VWA3B: variants seen among roughly 807,000 people sequenced by gnomAD.
VWA3B encodes von Willebrand factor A domain-containing protein 3B.
A neutral mutation model predicts 158.3 loss-of-function variants in VWA3B; 138 were observed. The observed-to-expected ratio is 0.87, with a 90% CI of 0.76 to 1.00. The LOEUF (loss-of-function observed/expected upper bound fraction) is 1.00. Ranked by LOEUF, VWA3B falls within the 50% of genes least tolerant of loss-of-function variation. VWA3B has a pLI of 0.00. For synonymous variants in VWA3B, 596 were observed against 587.3 expected, an observed-to-expected ratio of 1.01 and a Z score of -0.21; for missense variants, 1,555 against 1,565.1, an observed-to-expected ratio of 0.99 and a Z score of 0.11.
chr2:98,164,299 T>C (rs551444269), intron 8 of VWA3B, among the ~76,000 whole-genome samples: 1 of 152,344 alleles, frequency 6.6e-6, no homozygotes, highest in Admixed American at 6.5e-5. Context: ...TAAAATCCAG[T>C]TGCATTTCTG....
intron 16 of VWA3B, among the ~76,000 whole-genome samples, chr2:98,232,362 T>C (rs926923120): frequency 3.3e-5 from 5 of 152,226 alleles, no homozygotes; most frequent in Admixed American, 2.0e-4. Context: ...GTCTTCTCTC[T>C]TTTTGCCTTT....
At chr2:98,321,418 A>G in the VWA3B span, among the ~76,000 whole-genome samples, 1 of 152,182 alleles carries the variant, frequency 6.6e-6, no homozygotes, top group Non-Finnish European at 1.5e-5. Context: ...AGCTTGCACC[A>G]TGCACCTGGA....
At chr2:98,152,032 A>C (rs1361966769) in intron 7 of VWA3B, among the ~76,000 whole-genome samples, 1 of 152,238 alleles carries the variant, frequency 6.6e-6, no homozygotes, top group Non-Finnish European at 1.5e-5. Flanking sequence ...AATTTGGAAC[A>C]AGGGAGTGAA....
At chr2:98,119,829 A>T in intron 4 of VWA3B, 66 bp downstream of exon 4, 1 of 1,577,822 alleles carries the variant, frequency 6.3e-7, no homozygotes, top group Non-Finnish European at 8.6e-7. Context: ...ATTTGGAATT[A>T]AGTAGCACAG....
intron 21 of VWA3B, among the ~76,000 whole-genome samples, chr2:98,256,759 C>T (rs1241343504): frequency 1.3e-5 from 2 of 152,102 alleles, no homozygotes; most frequent in African/African-American, 2.4e-5. Context: ...TTTGAGGAAC[C>T]ACCAAACTGT....
intron 9 of VWA3B, among the ~76,000 whole-genome samples, chr2:98,181,689 A>G (rs1467205101): frequency 1.3e-5 from 2 of 152,318 alleles, no homozygotes; most frequent in African/African-American, 2.4e-5. Flanking sequence ...GGCTATAACC[A>G]TTAAAAACTT....
chr2:98,266,882 T>C lies in VWA3B; in HGVS notation c.2844-3800T>C, dbSNP rs1363210135. On this transcript the variant is annotated intron_variant, in intron 21 of 27. Transcript: ENST00000477737. ...TGGTGTATAAGAATGCTTGTGGTTT[T>C]TGTACATTGATTTTGTATCCTGAGA... is the stretch of plus-strand genomic sequence containing the variant. Among the ~76,000 whole-genome samples, 917 of 149,472 alleles carry C rather than the reference T, an allele frequency of 6.1e-3. 10 individuals carry two copies. Among genetic ancestry groups the C allele is most frequent in the African/African-American group, 0.022 (878 of 40,662 alleles).
chr2:98,252,727 T>C (rs953229336), intron 20 of VWA3B, among the ~76,000 whole-genome samples: 1 of 152,166 alleles, frequency 6.6e-6, no homozygotes, highest in Non-Finnish European at 1.5e-5. Flanking sequence ...TCCCACTGCA[T>C]TGACCTTTTC....
At chr2:98,270,624 C>A in intron 21 of VWA3B, 58 bp from the exon 22 acceptor site, 1 of 1,528,674 alleles carries the variant, frequency 6.5e-7, no homozygotes. Context: ...TTATTATAGT[C>A]ATTTTCTTTG....
Position 98,180,272 on chromosome 2 carries a change from G to A in VWA3B, c.1115-744G>A, listed in dbSNP as rs551590254. 8.1e-4 allele frequency among the ~76,000 whole-genome samples: 123 copies of A among 151,986 alleles called. 1 individual carries two copies. Among genetic ancestry groups the A allele is most frequent in the African/African-American group, 2.5e-3 (104 of 41,428 alleles). Reference sequence around the variant, plus strand: ...CGCAGTGGTGCATTCTCGGCTCACCGCAACCTCCGCCTCCCAGGTTGAAGC... The same window carrying A: ...CGCAGTGGTGCATTCTCGGCTCACCACAACCTCCGCCTCCCAGGTTGAAGC... On this transcript the variant is annotated intron_variant, in intron 8 of 27. Coordinates refer to ENST00000477737, the MANE Select transcript of VWA3B (RefSeq NM_144992.5).
chr2:98,247,005 A>T (rs186623527), intron 19 of VWA3B, among the ~76,000 whole-genome samples: 30 of 149,038 alleles, frequency 2.0e-4, no homozygotes, highest in African/African-American at 6.7e-4. Flanking sequence ...TGTAATGACA[A>T]TTTTTTTTTT....
At position 98,261,673 on chromosome 2, in the gene VWA3B, T is replaced by C. The variant is rs77860410; in HGVS notation, c.2843+5499T>C. Among the ~76,000 whole-genome samples the C allele has an allele frequency of 7.9e-3, 1,204 of 151,860 alleles. 21 individuals are homozygous for C. The highest frequency in any genetic ancestry group is 0.027 in the African/African-American group (1,140 of 41,502). On this transcript the variant is annotated intron_variant, in intron 21 of 27. Transcript: ENST00000477737. ...ATTTTTGAAGAGTAGTGTTACTAGA[T>C]AGAGAATTCTTGACTGACATATTTT...
rs1427699557 is a variant in VWA3B, at chr2:98,180,534, AGGCC to A, written c.1115-481_1115-478del. Among the ~76,000 whole-genome samples, 3 of 152,250 alleles carry A rather than the reference AGGCC, an allele frequency of 2.0e-5. No individual in the cohort carries two copies. The East Asian group carries it at 5.8e-4, about 29-fold the overall frequency. ...CTGGATTGCTGCAGTTTACCTAGGA[AGGCC>A]AAGCAAATACTGTCTTCCAGCTGCA... On this transcript the variant is annotated intron_variant, in intron 8 of 27. Coordinates refer to ENST00000477737, the MANE Select transcript of VWA3B (RefSeq NM_144992.5).
chr2:98,274,819 G>C (rs1688421130), intron 22 of VWA3B, among the ~76,000 whole-genome samples: 1 of 152,210 alleles, frequency 6.6e-6, no homozygotes, highest in Non-Finnish European at 1.5e-5. Context: ...TTGAGTCCTT[G>C]AGCCAGGTAG....
intron 13 of VWA3B, among the ~76,000 whole-genome samples, chr2:98,215,513 G>A (rs568119250): frequency 5.3e-5 from 8 of 151,530 alleles, no homozygotes; most frequent in South Asian, 2.1e-4. Flanking sequence ...ACATAATTTC[G>A]AAACTCTTTT....
chr2:98,324,343 A>G, the VWA3B span, among the ~76,000 whole-genome samples: 1 of 152,140 alleles, frequency 6.6e-6, no homozygotes, highest in Non-Finnish European at 1.5e-5. Flanking sequence ...TTGTATTTTT[A>G]GTAGAGATGA....
chr2:98,111,398 A>T (rs138949851), intron 2 of VWA3B, among the ~76,000 whole-genome samples: 136 of 152,276 alleles, frequency 8.9e-4, no homozygotes, highest in Non-Finnish European at 1.4e-3. Context: ...TGATAAAATG[A>T]TTTCTTTTCC....
intron 6 of VWA3B, among the ~76,000 whole-genome samples, chr2:98,131,184 C>A (rs1389063242): frequency 2.0e-5 from 3 of 152,176 alleles, no homozygotes; most frequent in Non-Finnish European, 2.9e-5. Flanking sequence ...CACCTCCTAC[C>A]CATGAGTGAG....
intron 6 of VWA3B, 122 bp from the exon 7 acceptor site, chr2:98,133,702 C>T: frequency 1.3e-6 from 1 of 756,720 alleles, no homozygotes; most frequent in Non-Finnish European, 2.3e-6. Context: ...AAGCAGTGAC[C>T]ATGGCTAAGA....
Sources: allele counts gnomAD v4.1 joint callset (sites outside exome capture counted in the v4.1 genomes callset), GRCh38; gene constraint gnomAD v4.1.1; transcripts MANE v1.5; gene names NCBI Gene and HGNC (gene_info 2026-07-23, HGNC 2026-07-21).